AFAP1L1: variants seen among roughly 807,000 people sequenced by gnomAD.
AFAP1L1 encodes actin filament associated protein 1 like 1, also known as actin filament-associated protein 1-like 1.
A neutral mutation model predicts 99.8 loss-of-function variants in AFAP1L1; 77 were observed. That is an observed-to-expected ratio of 0.77 (90% CI 0.64 to 0.93). The LOEUF is 0.93. AFAP1L1 is among the 40% of genes least tolerant of loss of function. The pLI is 0.00. For missense variants in AFAP1L1, 893 were observed against 996.8 expected (o/e 0.90, Z 1.40); for synonymous variants, 373 against 395.3 (o/e 0.94, Z 0.67).
At chr5:149,330,784 A>C (rs897142338) in intron 16 of AFAP1L1, among the ~76,000 whole-genome samples, 1 of 152,100 alleles carries the variant, frequency 6.6e-6, no homozygotes, top group Non-Finnish European at 1.5e-5. Context: ...AACATATCAG[A>C]TTATTTATTA....
At chr5:149,302,100 G>A (rs1202939233) in intron 4 of AFAP1L1, among the ~76,000 whole-genome samples, 4 of 152,294 alleles carry the variant, frequency 2.6e-5, no homozygotes, top group Middle Eastern at 3.4e-3. Flanking sequence ...GTGTGTAGAC[G>A]TGGTTACAGA....
In AFAP1L1 at chr5:149,316,196, G is replaced by C. The variant is rs763509561; in HGVS notation, c.1160G>C (p.Ser387Thr). The part of the protein sequence containing the change: ...SSLAELKGSM[S>T]RAAGRKITRI... ...CTGGCAGAACTGAAGGGCTCAATGA[G>C]CAGGGCTGCGGGCCGCAAGATCACC... is the stretch of plus-strand genomic sequence containing the variant. The change falls in exon 11 of 19, where the codon AGC becomes ACC. Residue 387 changes from serine to threonine, a missense_variant. Coordinates refer to ENST00000296721, the MANE Select transcript of AFAP1L1 (RefSeq NM_152406.4). 1 of 1,614,136 alleles carries C rather than the reference G, an allele frequency of 6.2e-7. No homozygotes were observed. The highest frequency in any genetic ancestry group is 8.5e-7 in the Non-Finnish European group (1 of 1,180,006).
At chr5:149,321,782 T>C (rs527464793) in intron 14 of AFAP1L1, among the ~76,000 whole-genome samples, 22 of 138,178 alleles carry the variant, frequency 1.6e-4, no homozygotes, top group African/African-American at 3.8e-4. Context: ...CTCACACCTA[T>C]AATCCTAGCA....
At chr5:149,282,188 G>GCACCACATT (rs1394599485) in intron 1 of AFAP1L1, among the ~76,000 whole-genome samples, 11 of 152,216 alleles carry the variant, frequency 7.2e-5, no homozygotes, top group Non-Finnish European at 1.5e-4. Flanking sequence ...GCAGAATGTG[G>GCACCACATT]CACCACATTG....
intron 16 of AFAP1L1, among the ~76,000 whole-genome samples, chr5:149,331,638 T>C (rs1040467971): frequency 6.7e-6 from 1 of 149,198 alleles, no homozygotes; most frequent in African/African-American, 2.5e-5. Context: ...AAAAAAAAAA[T>C]TGAATAAGCA....
chr5:149,321,886 C>T (rs986765813), intron 14 of AFAP1L1, among the ~76,000 whole-genome samples: 7 of 151,970 alleles, frequency 4.6e-5, no homozygotes, highest in African/African-American at 1.5e-4. Context: ...CAAAAATTAG[C>T]TGGGCATGGT....
In AFAP1L1 at chr5:149,301,220, G is replaced by T. The variant is rs199689420; in HGVS notation, c.317G>T (p.Arg106Leu). Reference protein sequence around the residue: ...GASPELAKSPRLRNAADLPPP... With the variant: ...GASPELAKSPLLRNAADLPPP... ...AGCCCTGAGCTAGCCAAGAGCCCAC[G>T]CCTGAGAAACGTGAGTCATGGCCTG... Residue 106 changes from arginine to leucine, a missense_variant, in exon 4 of 19, where the codon CGC (arginine) becomes CTC (leucine). Coordinates refer to ENST00000296721, the MANE Select transcript of AFAP1L1 (RefSeq NM_152406.4). 2.0e-4 allele frequency: 329 copies of T among 1,613,776 alleles called. 1 individual carries two copies. The highest frequency in any genetic ancestry group is 2.7e-4 in the Non-Finnish European group (323 of 1,179,872).
In AFAP1L1 at chr5:149,316,136, CCATTT is replaced by C; in HGVS notation, c.1115-13_1115-9del. The C allele has an allele frequency of 6.2e-7, 1 of 1,611,196 alleles. No individual in the cohort carries two copies. The highest frequency in any genetic ancestry group is 8.5e-7 in the Non-Finnish European group (1 of 1,177,892). On this transcript the variant is annotated splice_polypyrimidine_tract_variant and intron_variant, in intron 10 of 18. Transcript: ENST00000296721. ...TCAGGGCTCCCTCCACTCCCCTGAC[CCATTT>C]CCCCAACAGGCAAAGGGAAGAAGAG...
intron 15 of AFAP1L1, among the ~76,000 whole-genome samples, chr5:149,323,331 C>G (rs1411481946): frequency 6.6e-6 from 1 of 152,242 alleles, no homozygotes; most frequent in Non-Finnish European, 1.5e-5. Context: ...TAGCACCCCC[C>G]AGGAGCTCAG....
At chr5:149,335,487 A>AGT in intron 17 of AFAP1L1, 107 bp from the exon 18 acceptor site, 1 of 1,400,794 alleles carries the variant, frequency 7.1e-7, no homozygotes. Context: ...CTGTCTCAAA[A>AGT]ATAAAAATAA....
chr5:149,292,740 G>A (rs951668024), intron 1 of AFAP1L1, among the ~76,000 whole-genome samples: 1 of 152,124 alleles, frequency 6.6e-6, no homozygotes, highest in Non-Finnish European at 1.5e-5. Flanking sequence ...AAGATAGATG[G>A]AATTTATTCG....
rs1249586660 is a variant in AFAP1L1 at position 149,309,845 on chromosome 5, G to C, written c.748-111G>C. On this transcript the variant is annotated intron_variant, in intron 7 of 18. Transcript: ENST00000296721. ...CACAGTGCCCATGGCTAGGCTGGGTGGGGGAGGTCTCTAAAGGGAGGTCGG... is the reference window on the plus strand; with the variant it reads ...CACAGTGCCCATGGCTAGGCTGGGTCGGGGAGGTCTCTAAAGGGAGGTCGG... 18 of 1,337,924 alleles carry C rather than the reference G, an allele frequency of 1.3e-5. No individual in the cohort carries two copies. The East Asian group carries it at 2.1e-4, about 16-fold the overall frequency. 82.9% of individuals were successfully genotyped at this position (1,337,924 alleles called of 1,614,324 possible).
At position 149,288,736 on chromosome 5, in the gene AFAP1L1, T is replaced by A. The variant is rs1275286820; in HGVS notation, c.17-10773T>A. Among the ~76,000 whole-genome samples, 9 of 152,164 alleles carry A rather than the reference T, an allele frequency of 5.9e-5. No individual in the cohort carries two copies. The East Asian group carries it at 1.3e-3, about 23-fold the overall frequency. ...TTTCCTCAGAAGCGGGTGGCCTTCC[T>A]CTACCCCCTCCTGTGTGGTCTGGAA... On this transcript the variant is annotated intron_variant, in intron 1 of 18. Transcript: ENST00000296721.
At chr5:149,315,684 C>A in intron 9 of AFAP1L1, 137 bp from the exon 10 acceptor site, 1 of 722,652 alleles carries the variant, frequency 1.4e-6, no homozygotes, top group Non-Finnish European at 2.4e-6. Flanking sequence ...GTATGAGGCA[C>A]AGGATAGTTG....
chr5:149,312,902 G>A (rs1756681372), intron 9 of AFAP1L1, among the ~76,000 whole-genome samples: 1 of 152,080 alleles, frequency 6.6e-6, no homozygotes, highest in African/African-American at 2.4e-5. Flanking sequence ...CGAGGCGGGT[G>A]GATCACCTGA....
chr5:149,282,234 C>T (rs62378115), intron 1 of AFAP1L1, among the ~76,000 whole-genome samples: 3,019 of 152,274 alleles, frequency 0.02, 37 homozygotes, highest in Non-Finnish European at 0.031. Context: ...ATGGACAGCA[C>T]GCCTCACAGG....
At chr5:149,331,949 C>T (rs908017809) in intron 16 of AFAP1L1, among the ~76,000 whole-genome samples, 2 of 152,158 alleles carry the variant, frequency 1.3e-5, no homozygotes, top group African/African-American at 4.8e-5. Context: ...CAATGACCAC[C>T]GCAGAGCCCT....
chr5:149,338,170 G>T (rs966894030), intron 18 of AFAP1L1, among the ~76,000 whole-genome samples: 6 of 152,188 alleles, frequency 3.9e-5, no homozygotes, highest in African/African-American at 1.4e-4. Context: ...CTTTTAAAAT[G>T]CATGGCTTGG....
intron 9 of AFAP1L1, chr5:149,315,555 T>TGAATG (rs1490834183): frequency 2.4e-6 from 1 of 424,406 alleles, no homozygotes; most frequent in Non-Finnish European, 4.4e-6. Flanking sequence ...ACAGTCCAAA[T>TGAATG]TCCTAAGACA....
Sources: gnomAD v4.1 joint callset for allele counts (sites outside exome capture counted in the v4.1 genomes callset) on GRCh38, gnomAD v4.1.1 for gene constraint, MANE v1.5 for transcripts, NCBI Gene and HGNC (gene_info 2026-07-23, HGNC 2026-07-21) for gene names.